The following AACS variants were observed in gnomAD, a reference collection of about 807,000 sequenced individuals.
AACS encodes the protein acetoacetate-CoA ligase.
A neutral mutation model predicts 83.1 loss-of-function variants in AACS; 69 were observed. That is an observed-to-expected ratio of 0.83 (90% CI 0.68 to 1.01). AACS has a LOEUF of 1.01. Ranked by LOEUF, AACS falls within the 50% of genes least tolerant of loss-of-function variation. The pLI is 0.00. For missense variants in AACS, 866 were observed against 882.2 expected, an observed-to-expected ratio of 0.98 and a Z score of 0.23; for synonymous variants, 333 against 343.4, an observed-to-expected ratio of 0.97 and a Z score of 0.33.
chr12:125,107,135 A>G lies in AACS; in HGVS notation c.782A>G (p.Asp261Gly), dbSNP rs776694452. Residue 261 changes from aspartate to glycine, a missense_variant, in exon 8 of 18, where the codon GAC becomes GGC. Coordinates refer to ENST00000316519, the MANE Select transcript of AACS (RefSeq NM_023928.5). ...TCGGCCCACAGTGTGTTTCTGGATG[A>G]CTTTCTTGCCACCGGCACCAGTGAG... The part of the protein sequence containing the change: ...SKIPNSVFLD[D>G]FLATGTSEQA... 5 of 1,614,046 alleles carry G rather than the reference A, an allele frequency of 3.1e-6. No individual in the cohort carries two copies. In the East Asian group the frequency reaches 8.9e-5, roughly 29 times the overall value.
At position 125,091,428 on chromosome 12, in the gene AACS, T is replaced by C. The variant is rs763618180; in HGVS notation, c.475T>C (p.Tyr159His). 2 of 1,614,070 alleles carry C rather than the reference T, an allele frequency of 1.2e-6. No individual in the cohort carries two copies. The highest frequency in any genetic ancestry group is 2.2e-5 in the East Asian group (1 of 44,894). The change falls in exon 5 of 18, where the codon TAT becomes CAT. Residue 159 changes from tyrosine (Y) to histidine (H), a missense_variant and splice_region_variant. Physicochemically the swap from Tyr to His is moderately conservative, Grantham distance 83. Coordinates refer to ENST00000316519, the MANE Select transcript of AACS (RefSeq NM_023928.5). ...TTCTTCCTATGTTTTCTCCACAGGT[T>C]ATTTACCCAACAGTGAGCACGCTGT... ...GVKKGDRVVG[Y>H]LPNSEHAVEA...
chr12:125,109,470 A>G (rs1317774181), intron 8 of AACS, among the ~76,000 whole-genome samples: 1 of 152,120 alleles, frequency 6.6e-6, no homozygotes, highest in Non-Finnish European at 1.5e-5. Context: ...TTTCTCTCTC[A>G]GCGTATATAC....
chr12:125,108,306 T>C (rs1956877318), intron 8 of AACS, among the ~76,000 whole-genome samples: 1 of 152,218 alleles, frequency 6.6e-6, no homozygotes, highest in South Asian at 2.1e-4. Context: ...CTCCTTGGCT[T>C]GTGGACGGCC....
chr12:125,092,267 C>T (rs1003904572), intron 5 of AACS, among the ~76,000 whole-genome samples: 1 of 152,242 alleles, frequency 6.6e-6, no homozygotes, highest in African/African-American at 2.4e-5. Context: ...CCTGACCGCT[C>T]CTCCTGGTGC....
At chr12:125,072,137 G>A (rs1190039957) in intron 1 of AACS, among the ~76,000 whole-genome samples, 4 of 149,942 alleles carry the variant, frequency 2.7e-5, no homozygotes, top group South Asian at 2.1e-4. Flanking sequence ...GATTACAGGC[G>A]TGAGCCACCG....
At position 125,118,739 on chromosome 12, in the gene AACS, G is replaced by T; in HGVS notation, c.1095G>T (p.Val365=). 1.2e-6 allele frequency: 2 copies of T among 1,614,144 alleles called. No homozygotes were observed. Among genetic ancestry groups the T allele is most frequent in the Non-Finnish European group, 8.5e-7 (1 of 1,180,006 alleles). The change falls in exon 10 of 18, where the codon GTG becomes GTT. Residue 365 remains valine (V), a synonymous_variant. Coordinates refer to ENST00000316519, the MANE Select transcript of AACS (RefSeq NM_023928.5). ...DGSPLVPTPN[V]LWDLVDRIGI... is the part of the protein sequence containing the mutation. Reference sequence around the variant, plus strand: ...CCCCCCTGGTGCCCACGCCCAATGTGCTCTGGGACCTGGTTGACAGGATAG... The same window carrying T: ...CCCCCCTGGTGCCCACGCCCAATGTTCTCTGGGACCTGGTTGACAGGATAG...
chr12:125,134,941 A>G (rs1593011061), intron 16 of AACS, 89 bp downstream of exon 16: 1 of 1,453,246 alleles, frequency 6.9e-7, no homozygotes, highest in Non-Finnish European at 9.5e-7. Flanking sequence ...CTTTGGCACA[A>G]CTCTGGCCCC....
At chr12:125,110,652 A>G (rs919947536) in intron 8 of AACS, among the ~76,000 whole-genome samples, 2 of 152,176 alleles carry the variant, frequency 1.3e-5, no homozygotes, top group Non-Finnish European at 2.9e-5. Flanking sequence ...ATCTTGGTCA[A>G]ACCTTCTGAT....
chr12:125,110,029 T>G (rs1051064868), intron 8 of AACS, among the ~76,000 whole-genome samples: 8 of 151,726 alleles, frequency 5.3e-5, no homozygotes, highest in African/African-American at 9.7e-5. Context: ...CTTTGCTTTT[T>G]TTTTTTTGAG....
intron 5 of AACS, among the ~76,000 whole-genome samples, chr12:125,092,897 G>A (rs1217573644): frequency 1.3e-5 from 2 of 152,234 alleles, no homozygotes; most frequent in Non-Finnish European, 1.5e-5. Context: ...GCAGAGGGAA[G>A]GGCCCCAGGG....
chr12:125,103,804 C>T (rs536443855), intron 7 of AACS, among the ~76,000 whole-genome samples: 13 of 151,778 alleles, frequency 8.6e-5, no homozygotes, highest in Middle Eastern at 3.4e-3. Flanking sequence ...CTGGCTAACA[C>T]GGTGAAACCC....
At chr12:125,114,685 GTGCTGGCCTGTGCTATAC>G (rs1957019365) in intron 9 of AACS, 128 bp downstream of exon 9, 1 of 533,800 alleles carries the variant, frequency 1.9e-6, no homozygotes, top group East Asian at 4.5e-5. Context: ...GCTTCCCCAG[GTGCTGGCCTGTGCTATAC>G]CACAATAGGG....
At chr12:125,091,646 G>A (rs1320689832) in intron 5 of AACS, 123 bp downstream of exon 5, 10 of 940,914 alleles carry the variant, frequency 1.1e-5, no homozygotes, top group South Asian at 4.1e-5. Context: ...AGGAGGTGGC[G>A]TTGCAGCTGC....
intron 6 of AACS, 86 bp from the exon 7 acceptor site, chr12:125,102,914 A>G: frequency 6.9e-7 from 1 of 1,439,280 alleles, no homozygotes; most frequent in Non-Finnish European, 9.6e-7. Context: ...TCTGCCCCAG[A>G]TTGTGTTATA....
chr12:125,114,593 CACAATA>C, intron 9 of AACS, 36 bp downstream of exon 9: 1 of 1,579,290 alleles, frequency 6.3e-7, no homozygotes, highest in Admixed American at 1.7e-5. Flanking sequence ...TGTGCTATAC[CACAATA>C]GGGGCTTCCC....
chr12:125,120,505 T>C (rs936189297), intron 10 of AACS: 2 of 152,234 alleles, frequency 1.3e-5, no homozygotes, highest in African/African-American at 4.8e-5. Flanking sequence ...GGCTATTTCC[T>C]AATGAGATTG....
intron 3 of AACS, among the ~76,000 whole-genome samples, chr12:125,077,454 G>T (rs1956052873): frequency 6.7e-6 from 1 of 150,236 alleles, no homozygotes; most frequent in Non-Finnish European, 1.5e-5. Flanking sequence ...AGCTTGCAGT[G>T]AGCTGAGATT....
Position 125,130,474 on chromosome 12 carries a change from C to T in AACS, c.1549+1014C>T, listed in dbSNP as rs757983598. Among the ~76,000 whole-genome samples the T allele has an allele frequency of 1.3e-5, 2 of 152,198 alleles. No homozygotes were observed. The highest frequency in any genetic ancestry group is 2.9e-5 in the Non-Finnish European group (2 of 68,036). ...TGAAGAGGAGGGTAGGGCCTCCTGC[C>T]TTGGGAGGAGAGGCCAAAAGGATTA... On this transcript the variant is annotated intron_variant, in intron 14 of 17. Coordinates refer to ENST00000316519, the MANE Select transcript of AACS (RefSeq NM_023928.5). The surrounding 1 kb of genome is among the most constrained non-coding windows in gnomAD (Gnocchi z 4.9).
At position 125,132,770 on chromosome 12, in the gene AACS, G is replaced by GT. The variant is rs533779358; in HGVS notation, c.1550-1232dup. Among the ~76,000 whole-genome samples, 272 of 152,334 alleles carry GT rather than the reference G, an allele frequency of 1.8e-3. 2 individuals carry two copies. The highest frequency in any genetic ancestry group is 6.4e-3 in the African/African-American group (265 of 41,578). ...TGCCTCCCAGGGACCATGCACTCCT[G>GT]TACACAGTCCCCTTGGCCTTCGTCC... On this transcript the variant is annotated intron_variant, in intron 14 of 17. Transcript: ENST00000316519.
Sources: gnomAD v4.1 joint callset for allele counts (sites outside exome capture counted in the v4.1 genomes callset) on GRCh38, gnomAD v4.1.1 for gene constraint, Gnocchi (gnomAD v3.1) non-coding constraint, MANE v1.5 for transcripts, NCBI Gene and HGNC (gene_info 2026-07-23, HGNC 2026-07-21) for gene names.